Variants in SLC24A3 observed in about 807,000 individuals in gnomAD.
The protein encoded by SLC24A3 is sodium/potassium/calcium exchanger 3.
In SLC24A3, 28 loss-of-function variants were observed where a neutral mutation model predicts 75.8. The observed-to-expected ratio is 0.37, with a 90% confidence interval of 0.27 to 0.51. The LOEUF is 0.51. Ranked by LOEUF, SLC24A3 falls within the 20% of genes least tolerant of loss-of-function variation. The pLI, the probability that SLC24A3 is intolerant of heterozygous loss-of-function variation, is 0.94. For synonymous variants in SLC24A3, 372 were observed against 334.1 expected, an observed-to-expected ratio of 1.11 and a Z score of -1.24; for missense variants, 663 against 847.8, an observed-to-expected ratio of 0.78 and a Z score of 2.71.
chr20:19,306,552 A>C (rs1984335087), intron 2 of SLC24A3, among the ~76,000 whole-genome samples: 1 of 152,214 alleles, frequency 6.6e-6, no homozygotes, highest in Non-Finnish European at 1.5e-5. Context: ...TCTTTGCAGC[A>C]ATATGAATGG....
chr20:19,678,374 G>A (rs1278356238), intron 9 of SLC24A3, among the ~76,000 whole-genome samples: 3 of 126,604 alleles, frequency 2.4e-5, no homozygotes, highest in Non-Finnish European at 3.4e-5. Context: ...GGGGCGGCTG[G>A]CCGGGCAGAG....
intron 2 of SLC24A3, among the ~76,000 whole-genome samples, chr20:19,510,499 C>T (rs1211239051): frequency 2.0e-5 from 3 of 152,208 alleles, no homozygotes; most frequent in Non-Finnish European, 4.4e-5. Flanking sequence ...TTCGGAGATG[C>T]TGTGAACTGA....
At chr20:19,426,064 G>A (rs979391850) in intron 2 of SLC24A3, among the ~76,000 whole-genome samples, 3 of 152,120 alleles carry the variant, frequency 2.0e-5, no homozygotes, top group African/African-American at 7.2e-5. Flanking sequence ...CCGAAATATC[G>A]CTGCTTCTAG....
chr20:19,706,465 A>T (rs2032931294), intron 15 of SLC24A3, among the ~76,000 whole-genome samples: 1 of 152,134 alleles, frequency 6.6e-6, no homozygotes, highest in Non-Finnish European at 1.5e-5. Flanking sequence ...AGAATCCAAG[A>T]TTATCAGGAC....
At position 19,702,994 on chromosome 20, in the gene SLC24A3, G is replaced by C. The variant is rs528201692; in HGVS notation, c.1719+4314G>C. Among the ~76,000 whole-genome samples, 11 of 152,290 alleles carry C rather than the reference G, an allele frequency of 7.2e-5. No individual in the cohort carries two copies. The South Asian group carries it at 1.9e-3, about 26-fold the overall frequency. ...ATGCTAACTTCCACTATTTGGAAAA[G>C]TTTATCTTGAGTCAAGACTAAAATG... On this transcript the variant is annotated intron_variant, in intron 15 of 16. Coordinates refer to ENST00000328041, the MANE Select transcript of SLC24A3 (RefSeq NM_020689.4).
intron 6 of SLC24A3, among the ~76,000 whole-genome samples, chr20:19,594,003 A>G (rs946398541): frequency 6.6e-6 from 1 of 152,196 alleles, no homozygotes; most frequent in African/African-American, 2.4e-5. Flanking sequence ...GAGACCCCTC[A>G]TCTCCACACC....
Position 19,454,130 on chromosome 20 carries a change from G to A in SLC24A3, c.272-61358G>A, listed in dbSNP as rs184881412. 3.7e-3 allele frequency among the ~76,000 whole-genome samples: 570 copies of A among 152,294 alleles called. 4 individuals carry two copies. Among genetic ancestry groups the A allele is most frequent in the African/African-American group, 0.013 (533 of 41,564 alleles). ...CAGTGCTCAGAGCCAGTGATTTAGAGGCGGGTCTGATGTAATTGAATATTT... is the reference window on the plus strand; with the variant it reads ...CAGTGCTCAGAGCCAGTGATTTAGAAGCGGGTCTGATGTAATTGAATATTT... On this transcript the variant is annotated intron_variant, in intron 2 of 16. Transcript: ENST00000328041.
At chr20:19,603,399 G>A (rs941243958) in intron 6 of SLC24A3, among the ~76,000 whole-genome samples, 8 of 152,180 alleles carry the variant, frequency 5.3e-5, no homozygotes, top group Non-Finnish European at 7.3e-5. Context: ...AAAGAGTTCC[G>A]TGTGGAATGG....
chr20:19,639,708 C>G (rs530619021), intron 6 of SLC24A3, among the ~76,000 whole-genome samples: 18 of 152,346 alleles, frequency 1.2e-4, no homozygotes, highest in Non-Finnish European at 2.2e-4. Context: ...AGGCTCCGGC[C>G]GCACAGGAGC....
chr20:19,462,419 G>A (rs1987694834), intron 2 of SLC24A3, among the ~76,000 whole-genome samples: 1 of 147,804 alleles, frequency 6.8e-6, no homozygotes, highest in South Asian at 2.2e-4. Context: ...ACCACGCCCG[G>A]CTAAGCTTTC....
At chr20:19,500,763 G>T (rs1441010455) in intron 2 of SLC24A3, among the ~76,000 whole-genome samples, 1 of 152,188 alleles carries the variant, frequency 6.6e-6, no homozygotes, top group African/African-American at 2.4e-5. Flanking sequence ...AAACAGCCCA[G>T]TGAGGTGCAA....
At chr20:19,591,226 T>C (rs1041411061) in intron 6 of SLC24A3, among the ~76,000 whole-genome samples, 1 of 152,206 alleles carries the variant, frequency 6.6e-6, no homozygotes, top group African/African-American at 2.4e-5. Flanking sequence ...ACAAAACGTG[T>C]GTCTTGCTTG....
chr20:19,608,610 C>T (rs1216654123), intron 6 of SLC24A3, among the ~76,000 whole-genome samples: 8 of 152,206 alleles, frequency 5.3e-5, no homozygotes, highest in Non-Finnish European at 1.0e-4. Context: ...ATAGAATGAC[C>T]GTGTCACAAT....
chr20:19,461,205 A>C (rs918978376), intron 2 of SLC24A3, among the ~76,000 whole-genome samples: 1 of 152,200 alleles, frequency 6.6e-6, no homozygotes, highest in Non-Finnish European at 1.5e-5. Context: ...GAGGAGCTTA[A>C]GATGCCAAGC....
intron 1 of SLC24A3, among the ~76,000 whole-genome samples, chr20:19,278,394 C>T (rs1446473019): frequency 6.6e-6 from 1 of 152,186 alleles, no homozygotes; most frequent in African/African-American, 2.4e-5. Context: ...GATCACCTCC[C>T]GTATAAACCA....
chr20:19,327,672 T>C (rs941951940), intron 2 of SLC24A3, among the ~76,000 whole-genome samples: 4 of 152,244 alleles, frequency 2.6e-5, no homozygotes, highest in Non-Finnish European at 4.4e-5. Flanking sequence ...CGTGAGCTTG[T>C]CTGCTCCCAG....
intron 8 of SLC24A3, among the ~76,000 whole-genome samples, chr20:19,673,124 G>A (rs4813369): frequency 6.6e-6 from 1 of 152,030 alleles, no homozygotes; most frequent in Non-Finnish European, 1.5e-5. Flanking sequence ...TACCTTCCCT[G>A]CCCAGGTTCC....
At chr20:19,218,040 C>T (rs1317618471) in intron 1 of SLC24A3, among the ~76,000 whole-genome samples, 1 of 152,166 alleles carries the variant, frequency 6.6e-6, no homozygotes, top group Non-Finnish European at 1.5e-5. Flanking sequence ...CTTTCCGTAC[C>T]TCTGTACCCC....
At chr20:19,602,901 G>A (rs2031545710) in intron 6 of SLC24A3, among the ~76,000 whole-genome samples, 1 of 152,194 alleles carries the variant, frequency 6.6e-6, no homozygotes, top group Admixed American at 6.5e-5. Flanking sequence ...TGCTACCACT[G>A]GAGGCATCAG....
Sources: gnomAD v4.1 joint callset for allele counts (sites outside exome capture counted in the v4.1 genomes callset) on GRCh38, gnomAD v4.1.1 for gene constraint, MANE v1.5 for transcripts, NCBI Gene and HGNC (gene_info 2026-07-23, HGNC 2026-07-21) for gene names.